Variants in ANTXR2 observed in about 807,000 individuals in gnomAD.
ANTXR2 encodes ANTXR cell adhesion molecule 2.
A neutral mutation model predicts 73.7 loss-of-function variants in ANTXR2; 44 were observed. That is an observed-to-expected ratio of 0.60 (90% CI 0.47 to 0.77). The LOEUF (loss-of-function observed/expected upper bound fraction) is 0.77, where lower values mean the gene tolerates loss of function less well. ANTXR2 is among the 30% of genes least tolerant of loss of function. The pLI, the probability that ANTXR2 is intolerant of heterozygous loss-of-function variation, is 0.00. For synonymous variants in ANTXR2, 217 were observed against 205.9 expected (o/e 1.05, Z -0.46); for missense variants, 604 against 592.5 (o/e 1.02, Z -0.20).
rs1041200733 is a variant in ANTXR2, at chr4:80,072,790, T to C, written c.-230A>G. 35 of 1,033,392 alleles carry C rather than the reference T, an allele frequency of 3.4e-5. No homozygotes were observed. Among genetic ancestry groups the C allele is most frequent in the Non-Finnish European group, 4.1e-5 (34 of 821,186 alleles). 64.0% of individuals were successfully genotyped at this position (1,033,392 alleles called of 1,614,324 possible). On this transcript the variant is annotated 5_prime_UTR_variant, in exon 1 of 17. Transcript: ENST00000403729. Reference sequence around the variant, plus strand: ...CCGCCGCAGCTGCCGCCGGAACTCTTGACGAATCCCAGTGGAAGCGCGATC... The same window carrying C: ...CCGCCGCAGCTGCCGCCGGAACTCTCGACGAATCCCAGTGGAAGCGCGATC...
At chr4:80,036,064 C>T (rs2110087162) in intron 7 of ANTXR2, 32 bp from the exon 8 acceptor site, 2 of 1,437,724 alleles carry the variant, frequency 1.4e-6, no homozygotes, top group Non-Finnish European at 1.9e-6. Context: ...GATTACCAAG[C>T]TATAGATCTA....
intron 16 of ANTXR2, among the ~76,000 whole-genome samples, chr4:79,973,056 A>G (rs1157593875): frequency 6.6e-6 from 1 of 152,210 alleles, no homozygotes; most frequent in African/African-American, 2.4e-5. Flanking sequence ...TAGTGGAAAT[A>G]AATGCATTTA....
chr4:79,937,785 C>CG (rs1245913369), intron 16 of ANTXR2, among the ~76,000 whole-genome samples: 4 of 151,212 alleles, frequency 2.6e-5, no homozygotes, highest in Admixed American at 6.6e-5. Flanking sequence ...ACGCAGAAGA[C>CG]GGTGATTTCT....
At chr4:80,054,449 AC>A in intron 6 of ANTXR2, 97 bp from the exon 7 acceptor site, 1 of 850,068 alleles carries the variant, frequency 1.2e-6, no homozygotes, top group Middle Eastern at 2.3e-4. Context: ...CTGAAAAATT[AC>A]CCCACAGGAT....
intron 10 of ANTXR2, among the ~76,000 whole-genome samples, chr4:80,028,817 C>G (rs1732555724): frequency 6.6e-6 from 1 of 152,124 alleles, no homozygotes; most frequent in Non-Finnish European, 1.5e-5. Flanking sequence ...TAAGAGAGCT[C>G]ATCACCTACA....
chr4:80,000,148 T>C (rs1730961676), intron 12 of ANTXR2, among the ~76,000 whole-genome samples: 1 of 152,034 alleles, frequency 6.6e-6, no homozygotes, highest in African/African-American at 2.4e-5. Flanking sequence ...TAGACAAAAG[T>C]TGAACTGCTT....
intron 13 of ANTXR2, among the ~76,000 whole-genome samples, 178 bp from the exon 14 acceptor site, chr4:79,984,148 G>A (rs1730002249): frequency 1.3e-5 from 2 of 152,110 alleles, no homozygotes; most frequent in Admixed American, 6.5e-5. Flanking sequence ...AGTTCTACAG[G>A]ATATGAGAAC....
At chr4:80,012,451 T>C (rs1398470469) in intron 11 of ANTXR2, among the ~76,000 whole-genome samples, 1 of 152,200 alleles carries the variant, frequency 6.6e-6, no homozygotes, top group Non-Finnish European at 1.5e-5. Flanking sequence ...CATTTGTTTA[T>C]ATAATGTCTA....
chr4:79,989,740 A>G (rs578090105), intron 12 of ANTXR2, among the ~76,000 whole-genome samples: 39 of 152,268 alleles, frequency 2.6e-4, no homozygotes, highest in African/African-American at 8.9e-4. Flanking sequence ...TCAACAAAAT[A>G]CTAGCAATCC....
At position 80,011,039 on chromosome 4, in the gene ANTXR2, C is replaced by T. The variant is rs190680896; in HGVS notation, c.946-2423G>A. Among the ~76,000 whole-genome samples the T allele has an allele frequency of 4.6e-3, 697 of 151,698 alleles. 9 individuals are homozygous for T. The highest frequency in any genetic ancestry group is 0.016 in the African/African-American group (658 of 41,376). On this transcript the variant is annotated intron_variant, in intron 11 of 16. Coordinates refer to ENST00000403729, the MANE Select transcript of ANTXR2 (RefSeq NM_058172.6). The stretch of plus-strand genomic sequence containing the variant: ...GTGGGCGCCTGTAGTCCCAGCTACT[C>T]GGGAGGCTGAGGCAGGAGAATGGCG...
At chr4:79,956,295 C>T (rs1728883107) in intron 16 of ANTXR2, among the ~76,000 whole-genome samples, 1 of 152,088 alleles carries the variant, frequency 6.6e-6, no homozygotes, top group South Asian at 2.1e-4. Flanking sequence ...ATAACCCAGG[C>T]ACCAGAAGAA....
intron 8 of ANTXR2, among the ~76,000 whole-genome samples, chr4:80,035,485 G>C (rs906058751): frequency 2.6e-5 from 4 of 152,096 alleles, no homozygotes; most frequent in Admixed American, 6.6e-5. Flanking sequence ...AGGATGGCTG[G>C]GAGGTGTGAA....
intron 10 of ANTXR2, among the ~76,000 whole-genome samples, chr4:80,028,456 A>C (rs1397426606): frequency 6.6e-6 from 1 of 152,140 alleles, no homozygotes; most frequent in Non-Finnish European, 1.5e-5. Flanking sequence ...AAATAACATA[A>C]AGATAAGAAA....
At position 79,977,713 on chromosome 4, in the gene ANTXR2, T is replaced by A. The variant is rs1729700450; in HGVS notation, c.1348-12A>T. 1 of 1,560,940 alleles carries A rather than the reference T, an allele frequency of 6.4e-7. No homozygotes were observed. The highest frequency in any genetic ancestry group is 1.9e-5 in the Admixed American group (1 of 51,450). ...GCATCAAGACGACCCTAAGGGAAAA[T>A]GAGATTTGTGAATTCCCAGAGAATG... On this transcript the variant is annotated splice_polypyrimidine_tract_variant and intron_variant, in intron 15 of 16. Transcript: ENST00000403729.
intron 16 of ANTXR2, among the ~76,000 whole-genome samples, chr4:79,977,142 A>G (rs1196829072): frequency 6.6e-6 from 1 of 152,230 alleles, no homozygotes. Flanking sequence ...ATAATGCTTT[A>G]TAACTTTAAA....
intron 12 of ANTXR2, among the ~76,000 whole-genome samples, chr4:79,992,417 A>T (rs1486478768): frequency 6.6e-6 from 1 of 151,932 alleles, no homozygotes. Flanking sequence ...TAATATAGAT[A>T]TAAATAGTAA....
In ANTXR2 at chr4:79,959,141, T is replaced by G. The variant is rs1729049728; in HGVS notation, c.1428+18480A>C. Among the ~76,000 whole-genome samples the G allele has an allele frequency of 2.6e-5, 4 of 152,080 alleles. No homozygotes were observed. The South Asian group carries it at 8.3e-4, about 31-fold the overall frequency. ...AAAATTTAGCCTAAAGGAAAATGAT[T>G]GTGTTATGTTTTTATAATTCAGAAA... On this transcript the variant is annotated intron_variant, in intron 16 of 16. Transcript: ENST00000403729.
At chr4:79,978,233 C>T in intron 14 of ANTXR2, 59 bp from the exon 15 acceptor site, 1 of 1,514,760 alleles carries the variant, frequency 6.6e-7, no homozygotes, top group East Asian at 2.3e-5. Context: ...GGAACAGGCT[C>T]TTATTGAGCC....
At position 79,901,190 on chromosome 4, in the gene ANTXR2, A is replaced by G. The variant is rs1488973057; in HGVS notation, c.*6239T>C. Reference sequence around the variant, plus strand: ...AAAAAGAACACTTTATTGTGATAATAATAATGGCTTCATTTCACATCAGAA... The same window carrying G: ...AAAAAGAACACTTTATTGTGATAATGATAATGGCTTCATTTCACATCAGAA... On this transcript the variant is annotated 3_prime_UTR_variant, in exon 17 of 17. Transcript: ENST00000403729. The G allele has an allele frequency of 6.6e-6, 1 of 152,156 alleles. No individual in the cohort carries two copies. The highest frequency in any genetic ancestry group is 1.5e-5 in the Non-Finnish European group (1 of 68,028). The allele number at this position is 152,156 out of a possible 1,614,324, so 9.4% of individuals were successfully genotyped here. A position where few individuals can be genotyped will look rare whatever the true frequency, so the allele number is the denominator to read the frequency against.
Sources: gnomAD v4.1 joint callset for allele counts (sites outside exome capture counted in the v4.1 genomes callset) on GRCh38, gnomAD v4.1.1 for gene constraint, MANE v1.5 for transcripts, NCBI Gene and HGNC (gene_info 2026-07-23, HGNC 2026-07-21) for gene names.